ABLIM3: variants seen among roughly 807,000 people sequenced by gnomAD.
The protein encoded by ABLIM3 is actin binding LIM protein family member 3.
Under a neutral mutation model 109.5 loss-of-function variants are expected in ABLIM3, and 61 were observed. The observed-to-expected ratio is 0.56, with a 90% CI of 0.45 to 0.69. The LOEUF is 0.69. Ranked by LOEUF, ABLIM3 falls within the 30% of genes least tolerant of loss-of-function variation. The pLI is 0.00. For missense variants in ABLIM3, 796 were observed against 889.5 expected (o/e 0.89, Z 1.34); for synonymous variants, 300 against 324.8 (o/e 0.92, Z 0.82).
chr5:149,207,233 C>T, intron 6 of ABLIM3, 99 bp downstream of exon 6: 5 of 1,485,540 alleles, frequency 3.4e-6, no homozygotes, highest in Non-Finnish European at 4.5e-6. Context: ...CATCTCCCTT[C>T]CTTTCCGTCT....
intron 2 of ABLIM3, among the ~76,000 whole-genome samples, chr5:149,170,437 AC>A (rs1755303123): frequency 6.6e-6 from 1 of 152,142 alleles, no homozygotes; most frequent in Admixed American, 6.5e-5. Context: ...TGCCAATCAT[AC>A]GGAAAGGGGA....
intron 3 of ABLIM3, among the ~76,000 whole-genome samples, chr5:149,195,974 A>G (rs1290420053): frequency 6.6e-6 from 1 of 152,230 alleles, no homozygotes; most frequent in Admixed American, 6.5e-5. Context: ...GACTTACAGC[A>G]TGTCAGTTCT....
intron 2 of ABLIM3, among the ~76,000 whole-genome samples, chr5:149,168,615 T>C (rs1755052469): frequency 6.6e-6 from 1 of 152,200 alleles, no homozygotes; most frequent in Non-Finnish European, 1.5e-5. Context: ...CAGGGCTGAG[T>C]GCATAAAGTA....
rs746200896 is a variant in ABLIM3 at position 149,247,896 on chromosome 5, C to T, written c.1666C>T (p.His556Tyr). The T allele has an allele frequency of 6.2e-6, 10 of 1,614,118 alleles. No homozygotes were observed. The highest frequency in any genetic ancestry group is 8.5e-6 in the Non-Finnish European group (10 of 1,180,046). ...RSSTSSREALHTAGYEMSLNG... is the reference protein window; with the variant it reads ...RSSTSSREALYTAGYEMSLNG... ...CTCCACCAGCAGCCGGGAAGCCCTGCACACAGCTGGCTATGAGATGTCCCT... is the reference window on the plus strand; with the variant it reads ...CTCCACCAGCAGCCGGGAAGCCCTGTACACAGCTGGCTATGAGATGTCCCT... Residue 556 changes from histidine (H) to tyrosine (Y), a missense_variant, in exon 18 of 24, where the codon CAC becomes TAC. Transcript: ENST00000309868.
At chr5:149,211,133 G>A (rs1297044513) in intron 7 of ABLIM3, among the ~76,000 whole-genome samples, 2 of 151,864 alleles carry the variant, frequency 1.3e-5, no homozygotes, top group Admixed American at 1.3e-4. Flanking sequence ...GCCGGAGAAA[G>A]GAAGTCTTTT....
intron 6 of ABLIM3, among the ~76,000 whole-genome samples, chr5:149,207,832 A>T (rs1213205816): frequency 1.3e-5 from 2 of 152,226 alleles, no homozygotes; most frequent in African/African-American, 4.8e-5. Context: ...AGTTATCCAG[A>T]GGGGCCAACC....
At chr5:149,242,637 C>A in intron 15 of ABLIM3, 99 bp downstream of exon 15, 1 of 1,262,304 alleles carries the variant, frequency 7.9e-7, no homozygotes, top group Non-Finnish European at 1.2e-6. Context: ...AGCCACAAAA[C>A]ACAAGGCTGC....
intron 5 of ABLIM3, among the ~76,000 whole-genome samples, chr5:149,203,385 C>T (rs1325301748): frequency 6.6e-6 from 1 of 151,844 alleles, no homozygotes; most frequent in Non-Finnish European, 1.5e-5. Context: ...CTGCAAAAAC[C>T]TCATTGAGAG....
intron 3 of ABLIM3, among the ~76,000 whole-genome samples, chr5:149,186,444 T>G (rs1298439317): frequency 1.3e-5 from 2 of 152,126 alleles, no homozygotes; most frequent in Admixed American, 6.6e-5. Context: ...AAATTACTTA[T>G]GAAAATATCT....
chr5:149,166,669 T>C (rs1463818334), intron 2 of ABLIM3, among the ~76,000 whole-genome samples: 1 of 152,214 alleles, frequency 6.6e-6, no homozygotes, highest in African/African-American at 2.4e-5. Flanking sequence ...AAGAAGTCAT[T>C]TGACATCAGG....
At chr5:149,250,603 C>T in intron 20 of ABLIM3, 98 bp downstream of exon 20, 1 of 1,408,472 alleles carries the variant, frequency 7.1e-7, no homozygotes, top group Non-Finnish European at 9.9e-7. Flanking sequence ...AGCAAAGGTC[C>T]TGGGGCTAGT....
intron 2 of ABLIM3, among the ~76,000 whole-genome samples, chr5:149,152,505 T>C (rs1753525538): frequency 6.6e-6 from 1 of 152,188 alleles, no homozygotes; most frequent in Non-Finnish European, 1.5e-5. Flanking sequence ...CATATCCTGT[T>C]GGATACAGTT....
intron 2 of ABLIM3, among the ~76,000 whole-genome samples, chr5:149,172,886 T>C (rs1755579168): frequency 6.6e-6 from 1 of 152,226 alleles, no homozygotes; most frequent in African/African-American, 2.4e-5. Flanking sequence ...ACTCTTGTAC[T>C]TTGTAAATGG....
At chr5:149,205,928 G>A (rs1214833601) in intron 5 of ABLIM3, among the ~76,000 whole-genome samples, 1 of 152,200 alleles carries the variant, frequency 6.6e-6, no homozygotes, top group Non-Finnish European at 1.5e-5. Flanking sequence ...TTCTAGGACA[G>A]GCTCCCAGCT....
intron 3 of ABLIM3, among the ~76,000 whole-genome samples, chr5:149,196,155 C>G (rs377601735): frequency 6.6e-6 from 1 of 152,192 alleles, no homozygotes; most frequent in African/African-American, 2.4e-5. Context: ...GTTCCCTCCC[C>G]TCATGCAGTG....
At chr5:149,193,680 G>A (rs1037364533) in intron 3 of ABLIM3, among the ~76,000 whole-genome samples, 7 of 152,048 alleles carry the variant, frequency 4.6e-5, no homozygotes, top group African/African-American at 1.4e-4. Flanking sequence ...AAAGCAAGAG[G>A]GCCTGTCCTA....
chr5:149,224,639 C>G (rs1017962867), intron 8 of ABLIM3, among the ~76,000 whole-genome samples: 1 of 152,204 alleles, frequency 6.6e-6, no homozygotes, highest in Non-Finnish European at 1.5e-5. Context: ...TACTGCTCTC[C>G]CCTTACCCAA....
intron 6 of ABLIM3, among the ~76,000 whole-genome samples, chr5:149,209,750 T>C (rs1310876575): frequency 6.6e-6 from 1 of 152,124 alleles, no homozygotes; most frequent in East Asian, 1.9e-4. Context: ...GAGGTGTGTC[T>C]CAGGGGCTCA....
rs55803622 is a variant in ABLIM3 at position 149,241,834 on chromosome 5, T to C, written c.1304-657T>C. Among the ~76,000 whole-genome samples the C allele has an allele frequency of 1.3e-3, 193 of 152,220 alleles. 1 individual carries two copies. The highest frequency in any genetic ancestry group is 4.2e-3 in the African/African-American group (176 of 41,526). On this transcript the variant is annotated intron_variant, in intron 14 of 23. Transcript: ENST00000309868. ...ATCCCAGGCAGAGGGAAGAGCACTATCATGTCATGTGACCGCAGGTCATGA... is the reference window on the plus strand; with the variant it reads ...ATCCCAGGCAGAGGGAAGAGCACTACCATGTCATGTGACCGCAGGTCATGA...
Sources: allele counts gnomAD v4.1 joint callset (sites outside exome capture counted in the v4.1 genomes callset), GRCh38; gene constraint gnomAD v4.1.1; transcripts MANE v1.5; gene names NCBI Gene and HGNC (gene_info 2026-07-23, HGNC 2026-07-21).